The following AGBL4 variants were observed in gnomAD, a reference collection of about 807,000 sequenced individuals.
AGBL4 encodes the protein cytosolic carboxypeptidase 6.
Under a neutral mutation model 66.4 loss-of-function variants are expected in AGBL4, and 58 were observed. That is an observed-to-expected ratio of 0.87 (90% CI 0.71 to 1.09). AGBL4 has a LOEUF of 1.09. AGBL4 is among the 50% of genes least tolerant of loss of function. The pLI is 0.00. For synonymous variants in AGBL4, 234 were observed against 222.9 expected, an observed-to-expected ratio of 1.05 and a Z score of -0.44; for missense variants, 579 against 631.0, an observed-to-expected ratio of 0.92 and a Z score of 0.88.
intron 3 of AGBL4, among the ~76,000 whole-genome samples, chr1:49,369,875 C>A (rs987035051): frequency 1.3e-5 from 2 of 151,516 alleles, no homozygotes; most frequent in East Asian, 1.9e-4. Flanking sequence ...ATAAAGCTCA[C>A]GAAAATGAAG....
chr1:49,151,583 A>C (rs1646335854), intron 4 of AGBL4, among the ~76,000 whole-genome samples: 3 of 151,912 alleles, frequency 2.0e-5, no homozygotes, highest in Non-Finnish European at 2.9e-5. Context: ...AAAAAAAAAA[A>C]AAAACCTGGT....
intron 6 of AGBL4, among the ~76,000 whole-genome samples, chr1:48,685,451 C>T (rs992934900): frequency 6.6e-6 from 1 of 152,082 alleles, no homozygotes; most frequent in East Asian, 1.9e-4. Context: ...GTCATGACCC[C>T]CCCATAGCCA....
At chr1:49,735,857 C>G (rs1012159468) in intron 2 of AGBL4, among the ~76,000 whole-genome samples, 3 of 151,716 alleles carry the variant, frequency 2.0e-5, no homozygotes, top group African/African-American at 7.3e-5. Context: ...TTTTAAATAA[C>G]CTAATAAAAA....
chr1:49,340,216 G>GA lies in AGBL4; in HGVS notation c.283-94353dup, dbSNP rs35729306. Among the ~76,000 whole-genome samples, 424 of 128,028 alleles carry GA rather than the reference G, an allele frequency of 3.3e-3. 7 individuals are homozygous for GA. The South Asian group carries it at 0.056, about 17-fold the overall frequency. The allele number at this position is 128,028 out of a possible 152,430, so 84.0% of individuals were successfully genotyped here. On this transcript the variant is annotated intron_variant, in intron 3 of 13. Transcript: ENST00000371839. ...TTAGTACGTTTGTAAATTCTCTATG[G>GA]AAAAAAAAAAAAAAAAAAGAGTGGA...
intron 12 of AGBL4, 34 bp from the exon 13 acceptor site, chr1:48,534,950 C>A: frequency 6.5e-7 from 1 of 1,544,064 alleles, no homozygotes; most frequent in Non-Finnish European, 8.8e-7. Context: ...TCCTTCCTGC[C>A]TCTTAGGCTC....
rs139938846 is a variant in AGBL4, at chr1:49,426,781, A to G, written c.283-180917T>C. On this transcript the variant is annotated intron_variant, in intron 3 of 13. Transcript: ENST00000371839. ...CTGACCAGAGTCTACAGAAAGTATT[A>G]TGTTCAGATCTTCTACCTTTCCTGT... Among the ~76,000 whole-genome samples, 1,221 of 152,278 alleles carry G rather than the reference A, an allele frequency of 8.0e-3. 9 individuals carry two copies. Among genetic ancestry groups the G allele is most frequent in the Middle Eastern group, 0.031 (9 of 294 alleles).
intron 4 of AGBL4, among the ~76,000 whole-genome samples, chr1:49,236,790 C>T (rs1049515903): frequency 3.3e-5 from 5 of 152,106 alleles, no homozygotes; most frequent in African/African-American, 9.7e-5. Flanking sequence ...CTACCATATG[C>T]TACCCCTTTA....
chr1:48,646,387 C>T (rs867728759), intron 8 of AGBL4, among the ~76,000 whole-genome samples: 14 of 152,210 alleles, frequency 9.2e-5, no homozygotes, highest in South Asian at 6.2e-4. Flanking sequence ...TGTTACAGAA[C>T]AAATAGAACA....
chr1:49,447,254 T>C (rs1437118029), intron 3 of AGBL4, among the ~76,000 whole-genome samples: 1 of 152,052 alleles, frequency 6.6e-6, no homozygotes, highest in African/African-American at 2.4e-5. Flanking sequence ...AACAGGGAGG[T>C]CACAGGCTCT....
chr1:48,699,839 G>T (rs1646773664), intron 6 of AGBL4, among the ~76,000 whole-genome samples: 1 of 151,924 alleles, frequency 6.6e-6, no homozygotes, highest in Non-Finnish European at 1.5e-5. Flanking sequence ...TGCATTCAGG[G>T]TCTTGTCTCA....
At chr1:49,160,945 G>T in intron 4 of AGBL4, among the ~76,000 whole-genome samples, 1 of 152,178 alleles carries the variant, frequency 6.6e-6, no homozygotes, top group East Asian at 1.9e-4. Flanking sequence ...CTGCTGTGGT[G>T]GCAGTGAGAA....
chr1:48,591,761 G>A (rs745965372), intron 9 of AGBL4, among the ~76,000 whole-genome samples: 4 of 152,144 alleles, frequency 2.6e-5, no homozygotes, highest in Non-Finnish European at 5.9e-5. Context: ...GAAGGAAAAT[G>A]CCTTTGCAGT....
intron 5 of AGBL4, among the ~76,000 whole-genome samples, chr1:49,040,474 C>G (rs962875892): frequency 2.6e-5 from 4 of 151,958 alleles, no homozygotes; most frequent in African/African-American, 9.7e-5. Context: ...AAAATGTATT[C>G]ATATGTCCAC....
intron 11 of AGBL4, among the ~76,000 whole-genome samples, chr1:48,569,949 A>T (rs1644533085): frequency 6.6e-6 from 1 of 152,208 alleles, no homozygotes; most frequent in South Asian, 2.1e-4. Context: ...TTGTACTTCA[A>T]ATCTGGCCTG....
intron 4 of AGBL4, among the ~76,000 whole-genome samples, chr1:49,152,097 TA>T (rs1375885272): frequency 1.3e-5 from 2 of 152,144 alleles, no homozygotes; most frequent in African/African-American, 4.8e-5. Flanking sequence ...ATAATAAATT[TA>T]AAAAGTAGAA....
intron 3 of AGBL4, among the ~76,000 whole-genome samples, chr1:49,588,277 C>A (rs1644688482): frequency 6.6e-6 from 1 of 152,158 alleles, no homozygotes; most frequent in Admixed American, 6.6e-5. Flanking sequence ...GTAATACATT[C>A]TAATTTATAA....
chr1:49,673,457 T>C (rs1646519242), intron 3 of AGBL4, among the ~76,000 whole-genome samples: 1 of 152,212 alleles, frequency 6.6e-6, no homozygotes, highest in African/African-American at 2.4e-5. Context: ...AAGTGTATAA[T>C]TGCATTGTTT....
At chr1:49,553,843 TTC>T (rs1653173098) in intron 3 of AGBL4, among the ~76,000 whole-genome samples, 1 of 152,212 alleles carries the variant, frequency 6.6e-6, no homozygotes, top group Admixed American at 6.5e-5. Context: ...TTAAATTTTC[TTC>T]TCACACATTT....
At chr1:49,288,032 C>T (rs1644455563) in intron 3 of AGBL4, among the ~76,000 whole-genome samples, 1 of 133,282 alleles carries the variant, frequency 7.5e-6, no homozygotes, top group East Asian at 2.2e-4. Flanking sequence ...TACTATGCAG[C>T]CATAAAAAAT....
Sources: allele counts gnomAD v4.1 joint callset (sites outside exome capture counted in the v4.1 genomes callset), GRCh38; gene constraint gnomAD v4.1.1; transcripts MANE v1.5; gene names NCBI Gene and HGNC (gene_info 2026-07-23, HGNC 2026-07-21).